The following SPMIP2 variants were observed in gnomAD, a reference collection of about 807,000 sequenced individuals.
The protein encoded by SPMIP2 is sperm microtubule inner protein 2.
the SPMIP2 span, among the ~76,000 whole-genome samples, chr4:159,071,978 AGTTCCAAATGAATTC>A: frequency 1.3e-5 from 2 of 152,192 alleles, no homozygotes; most frequent in Non-Finnish European, 2.9e-5. Flanking sequence ...TTTTCTTCTA[AGTTCCAAATGAATTC>A]ACAAATACCT....
the SPMIP2 span, among the ~76,000 whole-genome samples, chr4:159,055,823 T>C: frequency 6.6e-6 from 1 of 152,214 alleles, no homozygotes; most frequent in Non-Finnish European, 1.5e-5. Flanking sequence ...GGGTTTTGAA[T>C]TTCAGGGTGG....
At chr4:158,926,120 T>G in the SPMIP2 span, among the ~76,000 whole-genome samples, 1 of 152,220 alleles carries the variant, frequency 6.6e-6, no homozygotes, top group Non-Finnish European at 1.5e-5. Context: ...CTCACTAATG[T>G]TTTGTCAATT....
chr4:158,927,408 G>A, the SPMIP2 span, among the ~76,000 whole-genome samples: 1 of 152,058 alleles, frequency 6.6e-6, no homozygotes, highest in Non-Finnish European at 1.5e-5. Flanking sequence ...CTTGAATTAT[G>A]TTTTCTTCCT....
the SPMIP2 span, among the ~76,000 whole-genome samples, chr4:159,068,635 A>G: frequency 1.3e-5 from 2 of 152,078 alleles, no homozygotes; most frequent in African/African-American, 4.8e-5. Context: ...CGTTGTGCAC[A>G]TGTACTCTAA....
chr4:159,048,505 G>C, the SPMIP2 span, among the ~76,000 whole-genome samples: 1 of 152,062 alleles, frequency 6.6e-6, no homozygotes, highest in Admixed American at 6.6e-5. Flanking sequence ...CCTTTCCATA[G>C]GCATTTCTCT....
At chr4:158,942,921 C>CT in the SPMIP2 span, among the ~76,000 whole-genome samples, 1 of 152,148 alleles carries the variant, frequency 6.6e-6, no homozygotes, top group Non-Finnish European at 1.5e-5. Context: ...ATGATAAGCT[C>CT]TTTTAGGGCA....
chr4:158,936,984 C>CA, the SPMIP2 span, among the ~76,000 whole-genome samples: 1 of 152,192 alleles, frequency 6.6e-6, no homozygotes, highest in African/African-American at 2.4e-5. Context: ...CATGATCACC[C>CA]ACCCCTTCTC....
At chr4:159,060,354 A>G in the SPMIP2 span, among the ~76,000 whole-genome samples, 3 of 152,232 alleles carry the variant, frequency 2.0e-5, no homozygotes, top group African/African-American at 7.2e-5. Context: ...CTTGCTGCCA[A>G]CATCAGGAAC....
chr4:159,069,232 G>A, the SPMIP2 span, among the ~76,000 whole-genome samples: 12 of 152,210 alleles, frequency 7.9e-5, no homozygotes, highest in South Asian at 2.5e-3. Flanking sequence ...GAACCTGGGA[G>A]GCGAAGGTTA....
the SPMIP2 span, among the ~76,000 whole-genome samples, chr4:159,048,527 C>T: frequency 1.3e-5 from 2 of 151,972 alleles, no homozygotes; most frequent in Non-Finnish European, 2.9e-5. Context: ...GGCTCAGAGC[C>T]ACATGGACGT....
At chr4:158,973,845 G>A in the SPMIP2 span, among the ~76,000 whole-genome samples, 1 of 151,892 alleles carries the variant, frequency 6.6e-6, no homozygotes, top group South Asian at 2.1e-4. Context: ...AATTAGCCAG[G>A]CATGGTGGCA....
chr4:158,982,725 T>C, the SPMIP2 span, among the ~76,000 whole-genome samples: 5 of 151,880 alleles, frequency 3.3e-5, no homozygotes, highest in Non-Finnish European at 7.4e-5. Context: ...GGTAAAGCAG[T>C]GTTTAGAGGG....
chr4:158,978,840 C>T, the SPMIP2 span, among the ~76,000 whole-genome samples: 1 of 152,064 alleles, frequency 6.6e-6, no homozygotes, highest in African/African-American at 2.4e-5. Flanking sequence ...CTCTTGAATA[C>T]AGCACACCGA....
chr4:158,899,181 C>T, the SPMIP2 span, among the ~76,000 whole-genome samples: 32 of 152,314 alleles, frequency 2.1e-4, no homozygotes, highest in Admixed American at 7.8e-4. Context: ...ACCAGTCTTG[C>T]ATCCCAGGGA....
chr4:159,029,580 A>G, the SPMIP2 span, among the ~76,000 whole-genome samples: 1 of 152,224 alleles, frequency 6.6e-6, no homozygotes, highest in Admixed American at 6.5e-5. Flanking sequence ...CTTATGCTCT[A>G]ACTATGATAC....
chr4:159,075,853 G>A, the SPMIP2 span, among the ~76,000 whole-genome samples: 384 of 150,582 alleles, frequency 2.6e-3, 1 homozygote, highest in African/African-American at 8.9e-3. Context: ...ACAGTTTACA[G>A]TGATGAACAT....
the SPMIP2 span, among the ~76,000 whole-genome samples, chr4:158,955,429 G>C: frequency 2.1e-4 from 32 of 152,190 alleles, no homozygotes; most frequent in African/African-American, 7.5e-4. Context: ...TTTTGAGACA[G>C]AGTCTCACTC....
At chr4:158,992,300 G>A in the SPMIP2 span, among the ~76,000 whole-genome samples, 2 of 152,216 alleles carry the variant, frequency 1.3e-5, no homozygotes, top group African/African-American at 4.8e-5. Context: ...TGGGAACACT[G>A]CTGGCTACAT....
At chr4:158,970,307 G>A in the SPMIP2 span, among the ~76,000 whole-genome samples, 1 of 152,170 alleles carries the variant, frequency 6.6e-6, no homozygotes, top group African/African-American at 2.4e-5. Flanking sequence ...TTGGGAGGCC[G>A]AGGTGGGAGG....
Sources: gnomAD v4.1 joint callset for allele counts (sites outside exome capture counted in the v4.1 genomes callset) on GRCh38, gnomAD v4.1.1 for gene constraint, MANE v1.5 for transcripts, NCBI Gene and HGNC (gene_info 2026-07-23, HGNC 2026-07-21) for gene names.